PDSS2: variants seen among roughly 807,000 people sequenced by gnomAD.
PDSS2 encodes the protein all trans-polyprenyl-diphosphate synthase PDSS2.
In PDSS2, 31 loss-of-function variants were observed where a neutral mutation model predicts 44.5. The ratio of observed to expected loss-of-function variants is 0.70; its 90% confidence interval spans 0.52 to 0.94. The LOEUF (loss-of-function observed/expected upper bound fraction) is 0.94, where lower values mean the gene tolerates loss of function less well. PDSS2 is among the 40% of genes least tolerant of loss of function. The pLI is 0.00. For synonymous variants in PDSS2, 157 were observed against 180.3 expected (o/e 0.87, Z 1.03); for missense variants, 452 against 482.2 (o/e 0.94, Z 0.59).
chr6:107,323,006 G>A (rs1005817929), intron 2 of PDSS2, among the ~76,000 whole-genome samples: 2 of 152,150 alleles, frequency 1.3e-5, no homozygotes, highest in African/African-American at 4.8e-5. Flanking sequence ...GAGTGAGAAG[G>A]AAAGTCCAAG....
chr6:107,301,252 C>A (rs1776684455), intron 2 of PDSS2, among the ~76,000 whole-genome samples: 1 of 151,988 alleles, frequency 6.6e-6, no homozygotes, highest in Non-Finnish European at 1.5e-5. Flanking sequence ...TTTTTGTGGA[C>A]CTAAACAAAA....
intron 7 of PDSS2, among the ~76,000 whole-genome samples, chr6:107,190,840 G>A (rs553300955): frequency 1.4e-4 from 21 of 152,220 alleles, no homozygotes; most frequent in African/African-American, 4.6e-4. Context: ...ACACAGCCCC[G>A]TATATGCCAA....
At chr6:107,359,642 G>GGA (rs76647834) in intron 1 of PDSS2, among the ~76,000 whole-genome samples, 83 of 148,838 alleles carry the variant, frequency 5.6e-4, no homozygotes, top group African/African-American at 1.1e-3. Flanking sequence ...AAAAAAAAAG[G>GGA]GAGAGAGAGA....
At chr6:107,165,311 A>G (rs373205362) in intron 7 of PDSS2, among the ~76,000 whole-genome samples, 2 of 152,154 alleles carry the variant, frequency 1.3e-5, no homozygotes, top group Admixed American at 6.6e-5. Context: ...TAACATTTAA[A>G]TCTTTAATCC....
chr6:107,405,652 C>T (rs1279165411), intron 1 of PDSS2, among the ~76,000 whole-genome samples: 1 of 151,802 alleles, frequency 6.6e-6, no homozygotes, highest in Non-Finnish European at 1.5e-5. Context: ...TCGAGACCAT[C>T]CCGGCTAAAA....
At chr6:107,453,508 A>C (rs1781941247) in intron 1 of PDSS2, among the ~76,000 whole-genome samples, 1 of 150,286 alleles carries the variant, frequency 6.7e-6, no homozygotes, top group Non-Finnish European at 1.5e-5. Context: ...CACTTTTGTT[A>C]AAAATCAGTT....
chr6:107,162,818 T>G (rs1302993040), intron 7 of PDSS2, among the ~76,000 whole-genome samples: 2 of 151,968 alleles, frequency 1.3e-5, no homozygotes, highest in African/African-American at 2.4e-5. Flanking sequence ...TTGGCCAGGA[T>G]GGTCTCGAAC....
At chr6:107,168,175 T>C (rs1771424231) in intron 7 of PDSS2, among the ~76,000 whole-genome samples, 2 of 152,214 alleles carry the variant, frequency 1.3e-5, no homozygotes, top group Non-Finnish European at 2.9e-5. Context: ...ATTGGGTGCA[T>C]ATATATTTAG....
chr6:107,443,958 C>T (rs1781587358), intron 1 of PDSS2, among the ~76,000 whole-genome samples: 1 of 152,098 alleles, frequency 6.6e-6, no homozygotes, highest in South Asian at 2.1e-4. Context: ...TTGCTATGCG[C>T]CAGGTACTGT....
At chr6:107,329,957 C>T (rs901011585) in intron 2 of PDSS2, among the ~76,000 whole-genome samples, 19 of 144,722 alleles carry the variant, frequency 1.3e-4, no homozygotes, top group Admixed American at 4.9e-4. Flanking sequence ...GCCGAGACTG[C>T]ATCACTTCAC....
At chr6:107,247,645 C>G (rs1050084965) in intron 3 of PDSS2, among the ~76,000 whole-genome samples, 16 of 152,028 alleles carry the variant, frequency 1.1e-4, no homozygotes, top group Non-Finnish European at 1.5e-4. Context: ...GGGTGACTTA[C>G]CCAGTGCACA....
chr6:107,252,642 A>G (rs753888307), intron 3 of PDSS2, among the ~76,000 whole-genome samples: 1 of 152,236 alleles, frequency 6.6e-6, no homozygotes, highest in Non-Finnish European at 1.5e-5. Flanking sequence ...TAAAATTGCA[A>G]CTGAGGCTAG....
intron 4 of PDSS2, among the ~76,000 whole-genome samples, chr6:107,226,128 G>A (rs1773811346): frequency 6.6e-6 from 1 of 152,106 alleles, no homozygotes; most frequent in Non-Finnish European, 1.5e-5. Flanking sequence ...CTAACACAAT[G>A]AAACCCTGTC....
chr6:107,404,318 C>T (rs1272563604), intron 1 of PDSS2, among the ~76,000 whole-genome samples: 2 of 152,198 alleles, frequency 1.3e-5, no homozygotes, highest in Admixed American at 6.5e-5. Context: ...CCCACAACTT[C>T]CTGTCTTCTT....
chr6:107,267,326 G>T (rs1001454849), intron 3 of PDSS2, among the ~76,000 whole-genome samples: 2 of 152,176 alleles, frequency 1.3e-5, no homozygotes, highest in African/African-American at 4.8e-5. Flanking sequence ...CACTATGTCA[G>T]ATCTGCACTT....
intron 1 of PDSS2, among the ~76,000 whole-genome samples, chr6:107,382,450 T>C (rs1437756881): frequency 6.6e-6 from 1 of 152,074 alleles, no homozygotes; most frequent in Admixed American, 6.6e-5. Flanking sequence ...ATTTCAAAAA[T>C]TACCATAAAA....
chr6:107,288,753 G>GTT (rs35762837), intron 2 of PDSS2, among the ~76,000 whole-genome samples: 1,733 of 72,600 alleles, frequency 0.024, 40 homozygotes, highest in African/African-American at 0.035. Flanking sequence ...GGACGAAATT[G>GTT]TTTTTTTTTT....
At chr6:107,378,644 G>A (rs1779364423) in intron 1 of PDSS2, among the ~76,000 whole-genome samples, 2 of 152,128 alleles carry the variant, frequency 1.3e-5, no homozygotes, top group African/African-American at 4.8e-5. Flanking sequence ...AAATTAGCCA[G>A]GCATGGTGGC....
At chr6:107,332,252 A>T (rs952615878) in intron 2 of PDSS2, among the ~76,000 whole-genome samples, 1 of 151,924 alleles carries the variant, frequency 6.6e-6, no homozygotes, top group Non-Finnish European at 1.5e-5. Flanking sequence ...CTACAGGCAC[A>T]TGCCACCATG....
Sources: allele counts gnomAD v4.1 joint callset (sites outside exome capture counted in the v4.1 genomes callset), GRCh38; gene constraint gnomAD v4.1.1; transcripts MANE v1.5; gene names NCBI Gene and HGNC (gene_info 2026-07-23, HGNC 2026-07-21).